TUSC3: variants seen among roughly 807,000 people sequenced by gnomAD.
The protein encoded by TUSC3 is dolichyl-diphosphooligosaccharide--protein glycosyltransferase subunit TUSC3.
A neutral mutation model predicts 44.8 loss-of-function variants in TUSC3; 45 were observed. That is an observed-to-expected ratio of 1.00 (90% CI 0.79 to 1.29). TUSC3 has a LOEUF of 1.29. Among genes scored for constraint, TUSC3 ranks in the 50% most tolerant of loss-of-function variants. The pLI, the probability that TUSC3 is intolerant of heterozygous loss-of-function variation, is 0.00. For synonymous variants in TUSC3, 212 were observed against 152.9 expected (o/e 1.39, Z -2.85); for missense variants, 519 against 437.9 (o/e 1.19, Z -1.65).
intron 6 of TUSC3, chr8:15,689,269 A>C: frequency 2.9e-6 from 1 of 350,772 alleles, no homozygotes; most frequent in Non-Finnish European, 5.6e-6. Flanking sequence ...CCACTTGTGA[A>C]ATAGCTGCAT....
chr8:15,503,778 G>C (rs187389869), intron 2 of TUSC3, among the ~76,000 whole-genome samples: 1 of 151,978 alleles, frequency 6.6e-6, no homozygotes, highest in Non-Finnish European at 1.5e-5. Context: ...TGAGGCGGGT[G>C]AATCACTTGA....
At chr8:15,746,406 T>G (rs1811416405) in intron 8 of TUSC3, among the ~76,000 whole-genome samples, 1 of 152,222 alleles carries the variant, frequency 6.6e-6, no homozygotes, top group South Asian at 2.1e-4. Context: ...TTGATGTGAT[T>G]TTTATTTTTG....
chr8:15,803,727 G>A, the TUSC3 span, among the ~76,000 whole-genome samples: 12 of 152,130 alleles, frequency 7.9e-5, no homozygotes, highest in African/African-American at 2.9e-4. Flanking sequence ...TCACCCCCTG[G>A]CAGGCCCCAG....
At chr8:15,541,179 C>G (rs1801679473) in intron 1 of TUSC3, among the ~76,000 whole-genome samples, 1 of 152,126 alleles carries the variant, frequency 6.6e-6, no homozygotes, top group Non-Finnish European at 1.5e-5. Flanking sequence ...TGAAAATAAC[C>G]TGCCATTTAT....
At chr8:15,842,437 G>C in the TUSC3 span, among the ~76,000 whole-genome samples, 1 of 152,246 alleles carries the variant, frequency 6.6e-6, no homozygotes, top group Middle Eastern at 3.4e-3. Context: ...GCCTTGACAT[G>C]TTTTTCATGT....
At chr8:15,443,338 G>T (rs377395382) in intron 1 of TUSC3, among the ~76,000 whole-genome samples, 130 of 28,918 alleles carry the variant, frequency 4.5e-3, no homozygotes, top group African/African-American at 0.019. Flanking sequence ...CCACCTAATT[G>T]TGTGTGTGTG....
intron 2 of TUSC3, among the ~76,000 whole-genome samples, chr8:15,483,995 T>G (rs1308692564): frequency 2.0e-5 from 3 of 152,120 alleles, no homozygotes; most frequent in Non-Finnish European, 4.4e-5. Context: ...TCTCTATAAA[T>G]GTTGAGGTAA....
chr8:15,618,378 T>A (rs1805089918), intron 1 of TUSC3, among the ~76,000 whole-genome samples: 1 of 152,218 alleles, frequency 6.6e-6, no homozygotes, highest in African/African-American at 2.4e-5. Flanking sequence ...CAAAAATATT[T>A]TCTTTATATC....
the TUSC3 span, among the ~76,000 whole-genome samples, chr8:15,814,879 T>C: frequency 1.3e-5 from 2 of 152,188 alleles, no homozygotes; most frequent in African/African-American, 4.8e-5. Context: ...TTGCCTACTG[T>C]ATACTTCATA....
chr8:15,696,737 ATCTG>A (rs1297404292), intron 6 of TUSC3, among the ~76,000 whole-genome samples: 1 of 152,194 alleles, frequency 6.6e-6, no homozygotes, highest in Non-Finnish European at 1.5e-5. Context: ...CATCAGGGAT[ATCTG>A]TCTGTAGTTT....
intron 1 of TUSC3, among the ~76,000 whole-genome samples, chr8:15,428,088 T>C (rs1455250926): frequency 2.7e-5 from 4 of 150,668 alleles, no homozygotes; most frequent in African/African-American, 9.8e-5. Context: ...CATTTAGCAT[T>C]AGGTATATCC....
chr8:15,582,651 A>T (rs1372000028), intron 1 of TUSC3, among the ~76,000 whole-genome samples: 1 of 152,184 alleles, frequency 6.6e-6, no homozygotes, highest in Non-Finnish European at 1.5e-5. Context: ...TAGGGGGATA[A>T]AGCACTGGTC....
At chr8:15,745,421 G>A (rs913895015) in intron 8 of TUSC3, among the ~76,000 whole-genome samples, 2 of 152,010 alleles carry the variant, frequency 1.3e-5, no homozygotes, top group Admixed American at 1.3e-4. Context: ...TTACATTCCC[G>A]ACAACAGTGC....
chr8:15,827,860 T>C, the TUSC3 span, among the ~76,000 whole-genome samples: 1 of 152,090 alleles, frequency 6.6e-6, no homozygotes, highest in Non-Finnish European at 1.5e-5. Flanking sequence ...GTTTGGGATG[T>C]TGGGATAGGG....
chr8:15,735,538 A>T (rs1272731792), intron 7 of TUSC3, among the ~76,000 whole-genome samples: 3 of 152,208 alleles, frequency 2.0e-5, no homozygotes, highest in Non-Finnish European at 2.9e-5. Flanking sequence ...TAAAACTTTT[A>T]ACCCATTGTT....
At chr8:15,829,122 T>C in the TUSC3 span, among the ~76,000 whole-genome samples, 1 of 152,206 alleles carries the variant, frequency 6.6e-6, no homozygotes, top group Non-Finnish European at 1.5e-5. Flanking sequence ...TTATTCTATG[T>C]CGTTCTATGG....
At chr8:15,591,784 T>A (rs144182367) in intron 1 of TUSC3, among the ~76,000 whole-genome samples, 219 of 152,206 alleles carry the variant, frequency 1.4e-3, no homozygotes, top group African/African-American at 4.9e-3. Flanking sequence ...TATAATAAGA[T>A]TGGAGTGGTA....
At chr8:15,492,435 A>C (rs144163085) in intron 2 of TUSC3, among the ~76,000 whole-genome samples, 1 of 152,312 alleles carries the variant, frequency 6.6e-6, no homozygotes, top group Non-Finnish European at 1.5e-5. Flanking sequence ...GGCAAGATTA[A>C]AGTCAGTAGG....
chr8:15,431,541 C>A (rs1479750922), intron 1 of TUSC3, among the ~76,000 whole-genome samples: 1 of 151,008 alleles, frequency 6.6e-6, no homozygotes, highest in Non-Finnish European at 1.5e-5. Context: ...TGCAGTTTTG[C>A]TAAAGTCATG....
Sources: allele counts gnomAD v4.1 joint callset (sites outside exome capture counted in the v4.1 genomes callset), GRCh38; gene constraint gnomAD v4.1.1; transcripts MANE v1.5; gene names NCBI Gene and HGNC (gene_info 2026-07-23, HGNC 2026-07-21).